The following APP variants were observed in gnomAD, a reference collection of about 807,000 sequenced individuals.
The protein encoded by APP is amyloid beta precursor protein.
A neutral mutation model predicts 101.4 loss-of-function variants in APP; 31 were observed. That is an observed-to-expected ratio of 0.31 (90% confidence interval 0.23 to 0.41). The LOEUF (loss-of-function observed/expected upper bound fraction) is 0.41. Among genes scored for constraint, APP ranks in the 10% least tolerant of loss-of-function variants. The probability of loss-of-function intolerance (pLI) is 1.00; values close to 1 mark genes in which losing one functional copy is unlikely to be tolerated. For missense variants in APP, 839 were observed against 1,003.7 expected (o/e 0.84, Z 2.22); for synonymous variants, 366 against 364.4 (o/e 1.00, Z -0.05).
At chr21:25,933,239 C>T (rs2040222365) in intron 13 of APP, among the ~76,000 whole-genome samples, 2 of 152,152 alleles carry the variant, frequency 1.3e-5, no homozygotes, top group South Asian at 4.1e-4. Flanking sequence ...GCTGGGTCTA[C>T]AGGCATGCAC....
intron 3 of APP, among the ~76,000 whole-genome samples, chr21:26,077,020 G>A (rs1433158006): frequency 4.0e-5 from 6 of 149,534 alleles, no homozygotes; most frequent in Non-Finnish European, 7.4e-5. Flanking sequence ...CCAAGACTGC[G>A]CCACTGCGCT....
At chr21:26,123,822 A>C (rs1421539429) in intron 1 of APP, among the ~76,000 whole-genome samples, 2 of 152,188 alleles carry the variant, frequency 1.3e-5, no homozygotes, top group African/African-American at 4.8e-5. Context: ...ACAACATCAG[A>C]GGCAATCTGA....
At chr21:26,111,899 G>A in intron 2 of APP, 80 bp downstream of exon 2, 1 of 1,489,936 alleles carries the variant, frequency 6.7e-7, no homozygotes. Flanking sequence ...AAATACTGAT[G>A]CAAAATACAA....
intron 2 of APP, among the ~76,000 whole-genome samples, chr21:26,108,901 A>G (rs1257005098): frequency 6.6e-6 from 1 of 152,156 alleles, no homozygotes; most frequent in Non-Finnish European, 1.5e-5. Context: ...AAAAGAAAAA[A>G]AAAGAAAAAA....
chr21:26,144,496 T>C (rs1042985045), intron 1 of APP, among the ~76,000 whole-genome samples: 2 of 152,204 alleles, frequency 1.3e-5, no homozygotes, highest in Middle Eastern at 3.2e-3. Context: ...GTGGATTTTA[T>C]TATAATCTCC....
intron 11 of APP, among the ~76,000 whole-genome samples, chr21:25,968,676 A>G (rs142248710): frequency 1.3e-5 from 2 of 152,276 alleles, no homozygotes; most frequent in East Asian, 3.9e-4. Flanking sequence ...AACATCTCAT[A>G]ACACTTCCAC....
At chr21:25,901,250 A>G (rs1194670326) in intron 15 of APP, among the ~76,000 whole-genome samples, 1 of 145,494 alleles carries the variant, frequency 6.9e-6, no homozygotes, top group East Asian at 2.1e-4. Context: ...GTGAGCTGGT[A>G]TCATGCCACT....
intron 3 of APP, among the ~76,000 whole-genome samples, chr21:26,074,543 G>A (rs1392026589): frequency 6.6e-6 from 1 of 152,204 alleles, no homozygotes; most frequent in East Asian, 1.9e-4. Flanking sequence ...TTGAGGTCAG[G>A]AGATCGAGAC....
chr21:25,897,455 G>A lies in APP; in HGVS notation c.2064+118C>T, dbSNP rs1217249187. ...TTCATGTTTTCATGGTAATCCTATA[G>A]GCAAGCATTGTATTTTTATCTTTTC... On this transcript the variant is annotated intron_variant, in intron 16 of 17. Coordinates refer to ENST00000346798, the MANE Select transcript of APP (RefSeq NM_000484.4). 7 of 850,092 alleles carry A rather than the reference G, an allele frequency of 8.2e-6. No individual in the cohort carries two copies. The African/African-American group carries it at 8.3e-5, about 10-fold the overall frequency. The allele number at this position is 850,092 out of a possible 1,614,324, so 52.7% of individuals were successfully genotyped here.
chr21:25,947,065 T>C (rs2040855447), intron 13 of APP, among the ~76,000 whole-genome samples: 1 of 152,182 alleles, frequency 6.6e-6, no homozygotes, highest in Non-Finnish European at 1.5e-5. Flanking sequence ...TAGAAATACA[T>C]AAAAGAAAGT....
rs1301961744 is a variant in APP, at chr21:25,997,429, T to C, written c.1034-13A>G. ...AAACTTTGGGACACTATGGAAAAAA[T>C]AAGAGAACATAACTAAAAACAAAAA... is the stretch of plus-strand genomic sequence containing the variant. On this transcript the variant is annotated splice_polypyrimidine_tract_variant and intron_variant, in intron 7 of 17. Transcript: ENST00000346798. 6.2e-7 allele frequency: 1 copy of C among 1,604,998 alleles called. No individual in the cohort carries two copies. Among genetic ancestry groups the C allele is most frequent in the East Asian group, 2.2e-5 (1 of 44,798 alleles).
chr21:25,907,137 CTCTTCT>C lies in APP; in HGVS notation c.1910-2066_1910-2061del, dbSNP rs144592208. ...CTATAAGTTTCTCTGCCTCTCCCCGCTCTTCTTCTTCTTCTTCTATTTTTTTAAATA... is the reference window on the plus strand; with the variant it reads ...CTATAAGTTTCTCTGCCTCTCCCCGCTCTTCTTCTTCTATTTTTTTAAATA... On this transcript the variant is annotated intron_variant, in intron 14 of 17. Coordinates refer to ENST00000346798, the MANE Select transcript of APP (RefSeq NM_000484.4). 2.2e-3 allele frequency among the ~76,000 whole-genome samples: 336 copies of C among 152,148 alleles called. 2 individuals are homozygous for C. Among genetic ancestry groups the C allele is most frequent in the African/African-American group, 7.6e-3 (317 of 41,492 alleles).
intron 15 of APP, 77 bp from the exon 16 acceptor site, chr21:25,897,750 CCTACCCAAAACTT>C: frequency 7.6e-7 from 1 of 1,314,278 alleles, no homozygotes; most frequent in Non-Finnish European, 1.1e-6. Flanking sequence ...TAAGACAAAG[CCTACCCAAAACTT>C]CTTTCTAGGC....
intron 1 of APP, among the ~76,000 whole-genome samples, chr21:26,130,088 T>C (rs1242180846): frequency 6.6e-6 from 1 of 152,190 alleles, no homozygotes; most frequent in African/African-American, 2.4e-5. Flanking sequence ...TGTCATTACA[T>C]AAAATGTTGA....
At chr21:26,018,543 T>C (rs2146764167) in intron 6 of APP, among the ~76,000 whole-genome samples, 1 of 152,312 alleles carries the variant, frequency 6.6e-6, no homozygotes, top group Middle Eastern at 3.4e-3. Context: ...CTAAAACATC[T>C]ACTTCTTTAC....
chr21:26,103,058 G>GT (rs2062098978), intron 2 of APP, among the ~76,000 whole-genome samples: 1 of 151,988 alleles, frequency 6.6e-6, no homozygotes, highest in Admixed American at 6.5e-5. Context: ...ACAGTCTACT[G>GT]TGGTCATCTA....
chr21:26,050,130 T>C (rs1001318575), intron 5 of APP, among the ~76,000 whole-genome samples: 9 of 152,038 alleles, frequency 5.9e-5, no homozygotes, highest in African/African-American at 2.2e-4. Flanking sequence ...TAGTAGCAGA[T>C]TACACCAGAA....
chr21:25,965,353 T>C (rs1039910381), intron 11 of APP, among the ~76,000 whole-genome samples: 4 of 152,256 alleles, frequency 2.6e-5, no homozygotes, highest in African/African-American at 9.6e-5. Context: ...TTCTTGACTT[T>C]TTAAGAGAGA....
At chr21:25,975,485 T>A (rs2042191192) in intron 10 of APP, among the ~76,000 whole-genome samples, 1 of 152,182 alleles carries the variant, frequency 6.6e-6, no homozygotes, top group Admixed American at 6.5e-5. Context: ...CTGATTTGAC[T>A]AATAACTTTG....
Sources: gnomAD v4.1 joint callset for allele counts (sites outside exome capture counted in the v4.1 genomes callset) on GRCh38, gnomAD v4.1.1 for gene constraint, MANE v1.5 for transcripts, NCBI Gene and HGNC (gene_info 2026-07-23, HGNC 2026-07-21) for gene names.